Variants in SI observed in about 807,000 individuals in gnomAD.
The protein encoded by SI is sucrase-isomaltase, intestinal.
Under a neutral mutation model 253.3 loss-of-function variants are expected in SI, and 235 were observed. The ratio of observed to expected loss-of-function variants is 0.93; its 90% confidence interval spans 0.83 to 1.03. SI has a LOEUF of 1.03. Among genes scored for constraint, SI ranks in the 50% least tolerant of loss-of-function variants. SI has a pLI of 0.00. For missense variants in SI, 2,442 were observed against 2,211.1 expected (o/e 1.10, Z -2.09); for synonymous variants, 819 against 712.0 (o/e 1.15, Z -2.39).
intron 5 of SI, 60 bp from the exon 6 acceptor site, chr3:165,067,551 T>G (rs1049935242): frequency 2.2e-6 from 3 of 1,338,708 alleles, no homozygotes; most frequent in Non-Finnish European, 3.2e-6. Context: ...AATATTCCAG[T>G]TCTGAATTAT....
chr3:165,014,653 T>G (rs995682408), intron 33 of SI, among the ~76,000 whole-genome samples: 2 of 152,138 alleles, frequency 1.3e-5, no homozygotes, highest in African/African-American at 2.4e-5. Flanking sequence ...TCAAAATATT[T>G]TTGTAATATA....
In SI at chr3:164,986,991, T is replaced by G. The variant is rs1052656104; in HGVS notation, c.5197+147A>C. ...TGCGACATTGTTTATCTCTTTAAGT[T>G]GATTCAGTGAATTTAGTAAAATCTT... On this transcript the variant is annotated intron_variant, in intron 45 of 47. Transcript: ENST00000264382. The G allele has an allele frequency of 4.4e-6, 3 of 679,498 alleles. No homozygotes were observed. In the African/African-American group the frequency reaches 5.5e-5, roughly 12 times the overall value. The allele number at this position is 679,498 out of a possible 1,614,324, so 42.1% of individuals were successfully genotyped here.
rs982000324 is a variant in SI, at chr3:165,008,847, A to T, written c.4179+432T>A. 5.3e-5 allele frequency among the ~76,000 whole-genome samples: 8 copies of T among 151,864 alleles called. No individual in the cohort carries two copies. In the East Asian group the frequency reaches 5.8e-4, roughly 11 times the overall value. On this transcript the variant is annotated intron_variant, in intron 35 of 47. Coordinates refer to ENST00000264382, the MANE Select transcript of SI (RefSeq NM_001041.4). ...AAATTATTTTTATGCTATCTAAAAA[A>T]ATATATTATTAAAAATCTTACTACT...
intron 45 of SI, among the ~76,000 whole-genome samples, chr3:164,983,774 G>T (rs1414677448): frequency 6.6e-6 from 1 of 151,550 alleles, no homozygotes; most frequent in Non-Finnish European, 1.5e-5. Flanking sequence ...TTTTAATTTT[G>T]TAGAGGCAGG....
intron 15 of SI, among the ~76,000 whole-genome samples, chr3:165,047,384 T>TG (rs35605058): frequency 6.6e-6 from 1 of 152,090 alleles, no homozygotes; most frequent in East Asian, 1.9e-4. Flanking sequence ...CCCAGCCATG[T>TG]GGAACTGTAA....
rs374498106 is a variant in SI at position 165,068,717 on chromosome 3, C to G, written c.483+5G>C. 3.6e-5 allele frequency: 58 copies of G among 1,606,558 alleles called. No homozygotes were observed. Among genetic ancestry groups the G allele is most frequent in the Non-Finnish European group, 4.6e-5 (54 of 1,173,416 alleles). On this transcript the variant is annotated splice_donor_5th_base_variant and intron_variant, in intron 5 of 47. Coordinates refer to ENST00000264382, the MANE Select transcript of SI (RefSeq NM_001041.4). ...TTAAATCTTTGGAAACCTTAAAAAC[C>G]GAACCTTGAACCGGAAACGATTGGG...
rs1576909192 is a variant in SI at position 165,049,179 on chromosome 3, G to T, written c.1663C>A (p.Gln555Lys). Residue 555 changes from glutamine (Q) to lysine (K), a missense_variant, in exon 15 of 48, where the codon CAG (glutamine) becomes AAG (lysine). Physicochemically the swap from Gln to Lys is moderately conservative, Grantham distance 53 (BLOSUM62 1). Transcript: ENST00000264382. ...CCATAGAGGCTATGAACATCATACT[G>T]TTTACCCCAGTTCTGCACAGCATCC... ...CMDAVQNWGKQYDVHSLYGYS... is the reference protein window; with the variant it reads ...CMDAVQNWGKKYDVHSLYGYS... 4 of 1,612,340 alleles carry T rather than the reference G, an allele frequency of 2.5e-6. No homozygotes were observed. The highest frequency in any genetic ancestry group is 3.4e-6 in the Non-Finnish European group (4 of 1,178,782).
intron 25 of SI, 87 bp downstream of exon 25, chr3:165,030,625 G>A: frequency 7.4e-7 from 1 of 1,360,154 alleles, no homozygotes. Flanking sequence ...TTTATATGCT[G>A]CAGATTTAAA....
chr3:164,996,174 C>T (rs563869665), intron 40 of SI, among the ~76,000 whole-genome samples: 1 of 151,846 alleles, frequency 6.6e-6, no homozygotes, highest in Admixed American at 6.6e-5. Flanking sequence ...CAGCACATCA[C>T]GAGCTCTGCC....
chr3:164,982,358 G>C lies in SI; in HGVS notation c.5300C>G (p.Thr1767Arg). The C allele has an allele frequency of 6.2e-7, 1 of 1,612,322 alleles. No individual in the cohort carries two copies. The highest frequency in any genetic ancestry group is 8.5e-7 in the Non-Finnish European group (1 of 1,178,796). The change falls in exon 47 of 48, where the codon ACG becomes AGG. Residue 1767 changes from threonine (T) to arginine (R), a missense_variant. Coordinates refer to ENST00000264382, the MANE Select transcript of SI (RefSeq NM_001041.4). ...LKRGYINKSE[T>R]RLGSLHVWGK... ...CCATACATGAAGGGATCCAAGCCTC[G>C]TTTCACTTTTATTTATGTAACCTCT...
In SI at chr3:165,025,192, C is replaced by T. The variant is rs185233705; in HGVS notation, c.2893-1416G>A. ...TTGATGATATCATGCTACCACATGG[C>T]CTTAAACACAGAAATGAAAGTCTCA... On this transcript the variant is annotated intron_variant, in intron 25 of 47. Coordinates refer to ENST00000264382, the MANE Select transcript of SI (RefSeq NM_001041.4). 2.8e-3 allele frequency among the ~76,000 whole-genome samples: 419 copies of T among 151,060 alleles called. 3 individuals are homozygous for T. Among genetic ancestry groups the T allele is most frequent in the African/African-American group, 9.5e-3 (392 of 41,326 alleles).
the SI span, among the ~76,000 whole-genome samples, chr3:165,083,558 A>G: frequency 1.5e-3 from 221 of 152,104 alleles, 3 homozygotes; most frequent in African/African-American, 5.1e-3. Context: ...GAAATAATCT[A>G]TCTTCCTTTA....
chr3:165,040,882 G>C lies in SI; in HGVS notation c.2159+58C>G, dbSNP rs1331499598. The stretch of plus-strand genomic sequence containing the variant: ...TGATTTACCTCCATTAAACTTTTCT[G>C]TGTATGTTTGAACATACTTTAAAAG... On this transcript the variant is annotated intron_variant, in intron 18 of 47. Transcript: ENST00000264382. 14 of 1,376,672 alleles carry C rather than the reference G, an allele frequency of 1.0e-5. 1 individual carries two copies. The highest frequency in any genetic ancestry group is 7.1e-5 in the South Asian group (6 of 84,722). The allele number at this position is 1,376,672 out of a possible 1,614,324, so 85.3% of individuals were successfully genotyped here.
chr3:165,074,613 GA>G lies in SI; in HGVS notation c.172del (p.Ser58LeufsTer10). The G allele has an allele frequency of 6.2e-7, 1 of 1,610,716 alleles. No homozygotes were observed. Among genetic ancestry groups the G allele is most frequent in the East Asian group, 2.2e-5 (1 of 44,636 alleles). ...PATTRVTTNP[S>X]DSGKCPNVLN... ...CACATTTGGACATTTTCCTGAATCA[GA>G]AGGATTTGTAGTCACACGAGTAGTA... is the stretch of plus-strand genomic sequence containing the variant. On this transcript the variant is annotated frameshift_variant, in exon 3 of 48. Coordinates refer to ENST00000264382, the MANE Select transcript of SI (RefSeq NM_001041.4). LOFTEE classifies it high-confidence loss of function.
At chr3:165,035,749 T>C (rs1197126170) in intron 22 of SI, among the ~76,000 whole-genome samples, 4 of 151,324 alleles carry the variant, frequency 2.6e-5, no homozygotes, top group Admixed American at 6.6e-5. Context: ...AGAAACGAGA[T>C]TTTTCTAAAA....
At chr3:165,015,754 G>A (rs1718990735) in intron 32 of SI, among the ~76,000 whole-genome samples, 198 bp downstream of exon 32, 1 of 151,884 alleles carries the variant, frequency 6.6e-6, no homozygotes, top group South Asian at 2.1e-4. Context: ...AAATCTCTAG[G>A]GATATACCTA....
intron 16 of SI, among the ~76,000 whole-genome samples, chr3:165,043,558 C>T (rs1560004627): frequency 6.6e-6 from 1 of 151,900 alleles, no homozygotes; most frequent in African/African-American, 2.4e-5. Flanking sequence ...TAATATGTAA[C>T]TGTAGGAATA....
chr3:165,055,641 A>G (rs966189551), intron 12 of SI, among the ~76,000 whole-genome samples: 1 of 151,994 alleles, frequency 6.6e-6, no homozygotes, highest in Non-Finnish European at 1.5e-5. Context: ...AATATATTTT[A>G]TATCCCATAA....
intron 16 of SI, among the ~76,000 whole-genome samples, chr3:165,044,010 A>T (rs978592873): frequency 1.3e-4 from 20 of 151,992 alleles, no homozygotes; most frequent in Non-Finnish European, 2.9e-5. Context: ...TTTGAGAGCC[A>T]ACATAATGCC....
Sources: allele counts gnomAD v4.1 joint callset (sites outside exome capture counted in the v4.1 genomes callset), GRCh38; gene constraint gnomAD v4.1.1; transcripts MANE v1.5; gene names NCBI Gene and HGNC (gene_info 2026-07-23, HGNC 2026-07-21).